The following HHIP variants were observed in gnomAD, a reference collection of about 807,000 sequenced individuals.
The protein encoded by HHIP is hedgehog-interacting protein.
A neutral mutation model predicts 74.0 loss-of-function variants in HHIP; 12 were observed. The ratio of observed to expected loss-of-function variants is 0.16; its 90% confidence interval spans 0.10 to 0.26. HHIP has a LOEUF of 0.26. Ranked by LOEUF, HHIP falls within the 10% of genes least tolerant of loss-of-function variation. The pLI is 1.00. For missense variants in HHIP, 788 were observed against 845.0 expected, an observed-to-expected ratio of 0.93 and a Z score of 0.84; for synonymous variants, 309 against 311.6, an observed-to-expected ratio of 0.99 and a Z score of 0.09.
At chr4:144,663,878 T>C (rs1578682622) in intron 4 of HHIP, among the ~76,000 whole-genome samples, 1 of 152,350 alleles carries the variant, frequency 6.6e-6, no homozygotes, top group East Asian at 1.9e-4. Flanking sequence ...TACTCTAGTG[T>C]AATTTCACCA....
chr4:144,660,486 T>C (rs533144228), intron 4 of HHIP, among the ~76,000 whole-genome samples: 1 of 152,138 alleles, frequency 6.6e-6, no homozygotes, highest in East Asian at 1.9e-4. Context: ...TATGACGTTC[T>C]AAAATTAAGA....
intron 4 of HHIP, among the ~76,000 whole-genome samples, chr4:144,698,172 G>A (rs1397419012): frequency 1.3e-5 from 2 of 152,070 alleles, no homozygotes; most frequent in Admixed American, 6.6e-5. Flanking sequence ...TTATCTTCTA[G>A]CAGCTCTCCA....
At chr4:144,690,009 T>C (rs1204745522) in intron 4 of HHIP, among the ~76,000 whole-genome samples, 3 of 152,166 alleles carry the variant, frequency 2.0e-5, no homozygotes, top group Non-Finnish European at 2.9e-5. Flanking sequence ...GGTTTCACTA[T>C]GTTGGCCAGG....
intron 10 of HHIP, among the ~76,000 whole-genome samples, chr4:144,716,854 G>GAAAAAAAAAAAAAAAAAAAAA (rs869028218): frequency 1.3e-4 from 7 of 54,656 alleles, no homozygotes; most frequent in Admixed American, 2.8e-4. Context: ...CGTCTCAAAA[G>GAAAAAAAAAAAAAAAAAAAAA]AAAAAAAAAA....
chr4:144,656,053 A>T (rs968579315), intron 2 of HHIP, among the ~76,000 whole-genome samples: 1 of 152,202 alleles, frequency 6.6e-6, no homozygotes, highest in African/African-American at 2.4e-5. Context: ...CGAGTGAGCT[A>T]AACATGCACT....
chr4:144,713,610 T>C (rs1461727982), intron 8 of HHIP, among the ~76,000 whole-genome samples: 1 of 152,134 alleles, frequency 6.6e-6, no homozygotes, highest in African/African-American at 2.4e-5. Context: ...CACAAGACTA[T>C]ACACATGTAA....
chr4:144,725,630 GTTAT>G (rs1299681422), intron 11 of HHIP, among the ~76,000 whole-genome samples: 4 of 151,708 alleles, frequency 2.6e-5, no homozygotes, highest in Non-Finnish European at 4.4e-5. Context: ...TAATACCAGT[GTTAT>G]TTATTTATTC....
chr4:144,686,929 G>A (rs939113271), intron 4 of HHIP, among the ~76,000 whole-genome samples: 1 of 152,100 alleles, frequency 6.6e-6, no homozygotes, highest in South Asian at 2.1e-4. Context: ...AAAGAAAGAC[G>A]CTTAGCCTCT....
rs199678425 is a variant in HHIP, at chr4:144,707,293, A to G, written c.1157+33A>G. 5.2e-5 allele frequency: 79 copies of G among 1,518,170 alleles called. 1 individual carries two copies. The South Asian group carries it at 9.9e-4, about 19-fold the overall frequency. 94.0% of individuals were successfully genotyped at this position (1,518,170 alleles called of 1,614,324 possible). A position where few individuals can be genotyped will look rare whatever the true frequency, so the allele number is the denominator to read the frequency against. On this transcript the variant is annotated intron_variant, in intron 6 of 12. Coordinates refer to ENST00000296575, the MANE Select transcript of HHIP (RefSeq NM_022475.3). The stretch of plus-strand genomic sequence containing the variant: ...GCTGATCACAGATGGGTTCCTCTCA[A>G]GGTTAAAATAGTTTAAGTGCCAGAA...
intron 4 of HHIP, among the ~76,000 whole-genome samples, chr4:144,669,978 T>TA (rs34093429): frequency 0.69 from 93,823 of 135,576 alleles, 34,673 homozygotes; most frequent in Non-Finnish European, 0.83. Flanking sequence ...CGTCTCTACT[T>TA]AAAAAAAAAA....
intron 4 of HHIP, among the ~76,000 whole-genome samples, chr4:144,698,757 G>T (rs1729893936): frequency 6.6e-6 from 1 of 152,044 alleles, no homozygotes; most frequent in Admixed American, 6.6e-5. Flanking sequence ...AATAGTGCAG[G>T]TCAGAAAAGC....
chr4:144,733,776 G>A (rs1731030225), intron 11 of HHIP, among the ~76,000 whole-genome samples: 1 of 152,120 alleles, frequency 6.6e-6, no homozygotes, highest in Admixed American at 6.6e-5. Context: ...AAGTGCCACT[G>A]GATATTTTTT....
intron 10 of HHIP, among the ~76,000 whole-genome samples, chr4:144,718,370 C>T (rs1466469288): frequency 6.6e-6 from 1 of 152,148 alleles, no homozygotes; most frequent in Non-Finnish European, 1.5e-5. Context: ...TGTGTGAAAT[C>T]ACAAGCCGGT....
At chr4:144,712,141 A>G in intron 8 of HHIP, 70 bp downstream of exon 8, 2 of 1,357,916 alleles carry the variant, frequency 1.5e-6, no homozygotes, top group South Asian at 2.5e-5. Context: ...GTAATTGAAG[A>G]GAAAGGGATT....
At chr4:144,660,921 T>G (rs1395420908) in intron 4 of HHIP, among the ~76,000 whole-genome samples, 1 of 152,216 alleles carries the variant, frequency 6.6e-6, no homozygotes, top group Non-Finnish European at 1.5e-5. Flanking sequence ...GCCAATTTGC[T>G]TTAAAAATAT....
At chr4:144,656,335 A>AT (rs1728556458) in intron 2 of HHIP, among the ~76,000 whole-genome samples, 1 of 152,062 alleles carries the variant, frequency 6.6e-6, no homozygotes, top group Admixed American at 6.6e-5. Context: ...AACATTCTGT[A>AT]TTTTTTCTTA....
At chr4:144,715,106 A>AT (rs1434162435) in intron 9 of HHIP, 194 bp from the exon 10 acceptor site, 24 of 475,252 alleles carry the variant, frequency 5.0e-5, no homozygotes, top group Non-Finnish European at 8.4e-5. Context: ...ACAAAATACT[A>AT]TCTTTAAGTA....
rs1253821048 is a variant in HHIP at position 144,719,030 on chromosome 4, T to C, written c.1760+74T>C. The C allele has an allele frequency of 8.8e-6, 8 of 904,608 alleles. No individual in the cohort carries two copies. The Admixed American group carries it at 1.3e-4, about 15-fold the overall frequency. The allele number at this position is 904,608 out of a possible 1,614,324, so 56.0% of individuals were successfully genotyped here. On this transcript the variant is annotated intron_variant, in intron 11 of 12. Transcript: ENST00000296575. Reference sequence around the variant, plus strand: ...TTATTTTAGTTCATTCAATTAATGATAGGAATGTCACAATTAGCAATCAGC... The same window carrying C: ...TTATTTTAGTTCATTCAATTAATGACAGGAATGTCACAATTAGCAATCAGC...
At chr4:144,668,864 T>C (rs560140782) in intron 4 of HHIP, among the ~76,000 whole-genome samples, 3 of 152,302 alleles carry the variant, frequency 2.0e-5, no homozygotes, top group African/African-American at 7.2e-5. Flanking sequence ...AAATTTTTTA[T>C]ATAAAGTCTA....
Sources: gnomAD v4.1 joint callset for allele counts (sites outside exome capture counted in the v4.1 genomes callset) on GRCh38, gnomAD v4.1.1 for gene constraint, MANE v1.5 for transcripts, NCBI Gene and HGNC (gene_info 2026-07-23, HGNC 2026-07-21) for gene names.